The following KLHDC4 variants were observed in gnomAD, a reference collection of about 807,000 sequenced individuals.
KLHDC4 encodes kelch domain-containing protein 4.
KLHDC4 carries 90 observed loss-of-function variants against 62.4 expected under a neutral mutation model. The ratio of observed to expected loss-of-function variants is 1.44; its 90% CI spans 1.22 to 1.72. The LOEUF (loss-of-function observed/expected upper bound fraction) is 1.72, where lower values mean the gene tolerates loss of function less well. Among genes scored for constraint, KLHDC4 ranks in the 40% most tolerant of loss-of-function variants. The pLI is 0.00. For missense variants in KLHDC4, 1,025 were observed against 699.7 expected (o/e 1.47, Z -5.25); for synonymous variants, 386 against 284.4 (o/e 1.36, Z -3.59).
At chr16:87,737,266 G>T (rs931400768) in intron 5 of KLHDC4, among the ~76,000 whole-genome samples, 11 of 151,808 alleles carry the variant, frequency 7.2e-5, no homozygotes, top group Non-Finnish European at 1.5e-4. Flanking sequence ...AGAGGCCTCA[G>T]CACTGAAATA....
intron 9 of KLHDC4, chr16:87,711,003 G>T (rs1213242019): frequency 1.9e-6 from 1 of 536,278 alleles, no homozygotes; most frequent in South Asian, 2.5e-5. Context: ...AGGGCAACTG[G>T]CTTCTGAGGT....
intron 7 of KLHDC4, among the ~76,000 whole-genome samples, chr16:87,718,329 CCCTCCCCCTCT>C (rs1459501383): frequency 9.7e-4 from 70 of 72,086 alleles, no homozygotes; most frequent in South Asian, 5.7e-3. Flanking sequence ...CCCTCCCTCT[CCCTCCCCCTCT>C]CCTCCCCCTC....
chr16:87,705,793 G>A (rs1418811906), downstream of KLHDC4, among the ~76,000 whole-genome samples: 1 of 151,862 alleles, frequency 6.6e-6, no homozygotes, highest in Non-Finnish European at 1.5e-5. Context: ...CAGGGCCTGG[G>A]CGGGGGCGGG....
chr16:87,736,907 C>G (rs1567752331), intron 5 of KLHDC4, among the ~76,000 whole-genome samples: 2 of 150,646 alleles, frequency 1.3e-5, no homozygotes, highest in Non-Finnish European at 3.0e-5. Context: ...GGTGGATCAC[C>G]TGAGGTCAGG....
At chr16:87,704,221 G>A (rs985693024), downstream of KLHDC4, among the ~76,000 whole-genome samples, 11 of 152,216 alleles carry the variant, frequency 7.2e-5, no homozygotes, top group South Asian at 6.2e-4. Flanking sequence ...TGAACGACAC[G>A]TGGAAGGAGG....
intron 5 of KLHDC4, among the ~76,000 whole-genome samples, chr16:87,737,358 C>T (rs2143010142): frequency 6.6e-6 from 1 of 151,842 alleles, no homozygotes; most frequent in Non-Finnish European, 1.5e-5. Context: ...GAGGCCAAAG[C>T]AGCCAGATCA....
intron 7 of KLHDC4, among the ~76,000 whole-genome samples, chr16:87,721,066 C>A (rs1005971122): frequency 6.6e-6 from 1 of 152,234 alleles, no homozygotes; most frequent in African/African-American, 2.4e-5. Context: ...CAACCCCCCA[C>A]AGCCAAGACT....
chr16:87,747,210 G>A (rs1484509950), intron 5 of KLHDC4, among the ~76,000 whole-genome samples: 2 of 152,224 alleles, frequency 1.3e-5, no homozygotes, highest in Non-Finnish European at 2.9e-5. Flanking sequence ...CACCAGCCTG[G>A]CGGGACTTGC....
At position 87,712,028 on chromosome 16, in the gene KLHDC4, C is replaced by T. The variant is rs775397993; in HGVS notation, c.836-585G>A. Among the ~76,000 whole-genome samples the T allele has an allele frequency of 2.0e-3, 303 of 150,020 alleles. 1 individual carries two copies. The highest frequency in any genetic ancestry group is 2.0e-3 in the Non-Finnish European group (137 of 67,660). ...CCCTTGGGCCTGCACGGGGACCCTC[C>T]GCCCTGCACAGGGACCCTTCGCCCG... On this transcript the variant is annotated intron_variant, in intron 8 of 11. Transcript: ENST00000270583.
intron 10 of KLHDC4, among the ~76,000 whole-genome samples, chr16:87,708,977 C>T (rs2035218447): frequency 6.6e-6 from 1 of 152,266 alleles, no homozygotes; most frequent in African/African-American, 2.4e-5. Flanking sequence ...CGGCCATCCA[C>T]AAACAAGCAT....
chr16:87,727,443 A>G (rs1242468202), intron 6 of KLHDC4, among the ~76,000 whole-genome samples: 1 of 152,174 alleles, frequency 6.6e-6, no homozygotes, highest in Non-Finnish European at 1.5e-5. Context: ...CAAGGGTGGT[A>G]AGGCCCCACA....
chr16:87,705,449 C>T (rs1180891614), downstream of KLHDC4, among the ~76,000 whole-genome samples: 1 of 152,254 alleles, frequency 6.6e-6, no homozygotes, highest in Non-Finnish European at 1.5e-5. Context: ...TCTATCTGAT[C>T]CCCATTGGTT....
intron 7 of KLHDC4, among the ~76,000 whole-genome samples, chr16:87,718,075 C>T (rs2037358364): frequency 6.6e-6 from 1 of 152,212 alleles, no homozygotes; most frequent in Non-Finnish European, 1.5e-5. Flanking sequence ...ACCTCCCCAA[C>T]AGCTTCTAAC....
rs866663435 is a variant in KLHDC4, at chr16:87,710,982, C to A, written c.1044+253G>T. 7.8e-3 allele frequency: 3,910 copies of A among 498,146 alleles called. 139 individuals are homozygous for A. The highest frequency in any genetic ancestry group is 0.068 in the African/African-American group (3,564 of 52,284). 30.9% of individuals were successfully genotyped at this position (498,146 alleles called of 1,614,324 possible). The stretch of plus-strand genomic sequence containing the variant: ...CACAGAGGGCCGGGGAGGTCCCGGG[C>A]ACCTCAGCCCAGGGCAACTGGCTTC... On this transcript the variant is annotated intron_variant, in intron 9 of 11. Coordinates refer to ENST00000270583, the MANE Select transcript of KLHDC4 (RefSeq NM_017566.4).
intron 1 of KLHDC4, among the ~76,000 whole-genome samples, chr16:87,763,087 G>A (rs536011088): frequency 3.3e-5 from 5 of 152,242 alleles, no homozygotes; most frequent in Non-Finnish European, 5.9e-5. Flanking sequence ...TCTAAACGAT[G>A]CAATATTTAA....
At chr16:87,701,757 C>T in exon 1 of KLHDC4, 1 of 456,806 alleles carries the variant, frequency 2.2e-6, no homozygotes, top group Non-Finnish European at 4.4e-6. Context: ...GCCCGTCCTC[C>T]CAAGCGTGCA....
At chr16:87,760,978 A>C (rs533319728) in intron 2 of KLHDC4, among the ~76,000 whole-genome samples, 1 of 152,238 alleles carries the variant, frequency 6.6e-6, no homozygotes, top group South Asian at 2.1e-4. Context: ...GGTTGTAGTG[A>C]GCCAAGATCA....
At chr16:87,703,000 T>C (rs2034226692), downstream of KLHDC4, 1 of 152,216 alleles carries the variant, frequency 6.6e-6, no homozygotes, top group South Asian at 2.1e-4. Context: ...AAAACAACAC[T>C]GTCAAGATTA....
At chr16:87,703,312 A>T (rs965232309), downstream of KLHDC4, 3 of 151,936 alleles carry the variant, frequency 2.0e-5, no homozygotes, top group Non-Finnish European at 4.4e-5. Flanking sequence ...CTGGCTCACC[A>T]CTGGTGGCCA....
Sources: gnomAD v4.1 joint callset for allele counts (sites outside exome capture counted in the v4.1 genomes callset) on GRCh38, gnomAD v4.1.1 for gene constraint, MANE v1.5 for transcripts, NCBI Gene and HGNC (gene_info 2026-07-23, HGNC 2026-07-21) for gene names.